Variants in CCSER1 observed in about 807,000 individuals in gnomAD.
The protein encoded by CCSER1 is coiled-coil serine rich protein 1.
In CCSER1, 41 loss-of-function variants were observed where a neutral mutation model predicts 82.0. The observed-to-expected ratio is 0.50, with a 90% CI of 0.39 to 0.65. The LOEUF is 0.65. Ranked by LOEUF, CCSER1 falls within the 30% of genes least tolerant of loss-of-function variation. The pLI is 0.00. For synonymous variants in CCSER1, 414 were observed against 383.9 expected (o/e 1.08, Z -0.92); for missense variants, 1,119 against 1,064.2 (o/e 1.05, Z -0.72).
intron 1 of CCSER1, among the ~76,000 whole-genome samples, chr4:90,281,089 T>C (rs1728761909): frequency 1.3e-5 from 2 of 152,032 alleles, no homozygotes; most frequent in Admixed American, 1.3e-4. Flanking sequence ...CTTGTTGTAG[T>C]GTGGATGTTA....
At position 90,701,402 on chromosome 4, in the gene CCSER1, T is replaced by C. The variant is rs549322933; in HGVS notation, c.1933-22512T>C. On this transcript the variant is annotated intron_variant, in intron 6 of 10. Transcript: ENST00000509176. ...CTTACTGTAGCCTTATAGTATAGTT[T>C]GATATCAGGTAGCGTGATGCCTCCA... 2.0e-5 allele frequency among the ~76,000 whole-genome samples: 3 copies of C among 152,366 alleles called. No homozygotes were observed. In the South Asian group the frequency reaches 6.2e-4, roughly 32 times the overall value.
In CCSER1 at chr4:91,301,770, C is replaced by T. The variant is rs192951478; in HGVS notation, c.2217+215776C>T. On this transcript the variant is annotated intron_variant, in intron 10 of 10. Transcript: ENST00000509176. ...AAGGTTTAGATCGTAGCACATCCAC[C>T]ACCACAACAAAAAGAAATAGAAAGT... Among the ~76,000 whole-genome samples the T allele has an allele frequency of 1.8e-4, 28 of 151,886 alleles. No individual in the cohort carries two copies. In the East Asian group the frequency reaches 4.5e-3, roughly 24 times the overall value.
At chr4:90,335,058 T>C (rs1177440800) in intron 3 of CCSER1, among the ~76,000 whole-genome samples, 1 of 152,198 alleles carries the variant, frequency 6.6e-6, no homozygotes, top group South Asian at 2.1e-4. Flanking sequence ...TATTGTATTG[T>C]AAGTAGCAGC....
chr4:91,359,804 A>G (rs1749126075), intron 10 of CCSER1, among the ~76,000 whole-genome samples: 1 of 151,870 alleles, frequency 6.6e-6, no homozygotes, highest in African/African-American at 2.4e-5. Flanking sequence ...ATCGTTAACA[A>G]GAGCAGTTGT....
At chr4:91,123,047 T>A (rs1714054689) in intron 10 of CCSER1, among the ~76,000 whole-genome samples, 1 of 151,714 alleles carries the variant, frequency 6.6e-6, no homozygotes, top group African/African-American at 2.4e-5. Flanking sequence ...AACAGTGGGA[T>A]AAAAATAGAG....
chr4:90,778,105 A>G (rs753448040), intron 7 of CCSER1, among the ~76,000 whole-genome samples: 3 of 152,176 alleles, frequency 2.0e-5, no homozygotes, highest in Non-Finnish European at 4.4e-5. Context: ...ATTTTCCTGG[A>G]GTTCTCTCAA....
intron 5 of CCSER1, among the ~76,000 whole-genome samples, chr4:90,598,423 C>G (rs1009762273): frequency 1.3e-5 from 2 of 152,100 alleles, no homozygotes; most frequent in Non-Finnish European, 2.9e-5. Context: ...AATTTAAATT[C>G]CCACCAACAG....
chr4:91,026,671 C>G (rs983166456), intron 9 of CCSER1, among the ~76,000 whole-genome samples: 5 of 151,904 alleles, frequency 3.3e-5, no homozygotes, highest in African/African-American at 9.7e-5. Flanking sequence ...TTGAACTGAT[C>G]TGATTATTCT....
chr4:91,527,421 A>G (rs1157532962), intron 10 of CCSER1, among the ~76,000 whole-genome samples: 1 of 152,202 alleles, frequency 6.6e-6, no homozygotes, highest in African/African-American at 2.4e-5. Flanking sequence ...ATTTGGATGA[A>G]GCAATTTTGT....
chr4:90,674,027 A>T (rs1167484372), intron 6 of CCSER1, among the ~76,000 whole-genome samples: 3 of 151,926 alleles, frequency 2.0e-5, no homozygotes. Context: ...AACTCTCTTG[A>T]TGTTGACATT....
Position 90,287,279 on chromosome 4 carries a change from A to T in CCSER1, c.-41-20965A>T, listed in dbSNP as rs193261824. On this transcript the variant is annotated intron_variant, in intron 1 of 10. Coordinates refer to ENST00000509176, the MANE Select transcript of CCSER1 (RefSeq NM_001145065.2). ...TATAAAATTATTATTTAGAAGTAAA[A>T]TGTATAAGTTACTTTATAGTGATAT... is the stretch of plus-strand genomic sequence containing the variant. Among the ~76,000 whole-genome samples the T allele has an allele frequency of 2.1e-3, 326 of 152,096 alleles. 2 individuals carry two copies. The highest frequency in any genetic ancestry group is 7.6e-3 in the African/African-American group (316 of 41,554).
intron 1 of CCSER1, among the ~76,000 whole-genome samples, chr4:90,211,319 C>T (rs1739951513): frequency 6.6e-6 from 1 of 152,208 alleles, no homozygotes; most frequent in African/African-American, 2.4e-5. Flanking sequence ...TCTCTACCTT[C>T]ATTGTCTCTT....
chr4:91,037,402 C>G (rs933469027), intron 9 of CCSER1, among the ~76,000 whole-genome samples: 3 of 152,150 alleles, frequency 2.0e-5, no homozygotes, highest in Admixed American at 6.5e-5. Context: ...AAGCCTTTCC[C>G]CTGTCCTCCT....
intron 1 of CCSER1, among the ~76,000 whole-genome samples, chr4:90,307,663 G>A (rs76385841): frequency 6.6e-6 from 1 of 151,376 alleles, no homozygotes; most frequent in East Asian, 1.9e-4. Context: ...AAAAAAAAAA[G>A]AGAAGAAAAA....
intron 10 of CCSER1, among the ~76,000 whole-genome samples, chr4:91,563,814 A>T (rs1762765540): frequency 6.6e-6 from 1 of 151,820 alleles, no homozygotes; most frequent in South Asian, 2.1e-4. Flanking sequence ...TTTCACCAAA[A>T]ACCTGTTGGA....
chr4:90,894,869 T>G (rs1298158237), intron 8 of CCSER1, among the ~76,000 whole-genome samples: 1 of 151,972 alleles, frequency 6.6e-6, no homozygotes, highest in Admixed American at 6.6e-5. Context: ...GAAGTTCAAT[T>G]TAATTGGCAT....
chr4:90,693,931 AAAG>A (rs1736514739), intron 6 of CCSER1, among the ~76,000 whole-genome samples: 1 of 151,830 alleles, frequency 6.6e-6, no homozygotes, highest in Non-Finnish European at 1.5e-5. Context: ...GAGAGAGGGG[AAAG>A]AAGAAGTGGG....
intron 5 of CCSER1, among the ~76,000 whole-genome samples, chr4:90,619,116 T>C (rs1054591317): frequency 4.6e-5 from 7 of 152,042 alleles, no homozygotes; most frequent in African/African-American, 1.7e-4. Flanking sequence ...TTCATCTTTA[T>C]AAATGTATTT....
At chr4:91,117,812 C>G (rs139637426) in intron 10 of CCSER1, among the ~76,000 whole-genome samples, 1 of 152,114 alleles carries the variant, frequency 6.6e-6, no homozygotes, top group Admixed American at 6.5e-5. Context: ...TTATATGTTA[C>G]TTATATTATT....
Sources: gnomAD v4.1 joint callset for allele counts (sites outside exome capture counted in the v4.1 genomes callset) on GRCh38, gnomAD v4.1.1 for gene constraint, MANE v1.5 for transcripts, NCBI Gene and HGNC (gene_info 2026-07-23, HGNC 2026-07-21) for gene names.